CD163L1: variants seen among roughly 807,000 people sequenced by gnomAD.
CD163L1 encodes the protein scavenger receptor cysteine-rich type 1 protein M160.
In CD163L1, 124 loss-of-function variants were observed where a neutral mutation model predicts 165.4. That is an observed-to-expected ratio of 0.75 (90% CI 0.65 to 0.87). The LOEUF is 0.87. CD163L1 is among the 40% of genes least tolerant of loss of function. The probability of loss-of-function intolerance (pLI) is 0.00; values close to 1 mark genes in which losing one functional copy is unlikely to be tolerated. For synonymous variants in CD163L1, 585 were observed against 662.2 expected, an observed-to-expected ratio of 0.88 and a Z score of 1.79; for missense variants, 1,525 against 1,799.9, an observed-to-expected ratio of 0.85 and a Z score of 2.76.
At chr12:7,387,252 T>A (rs749567315) in intron 8 of CD163L1, among the ~76,000 whole-genome samples, 2 of 152,162 alleles carry the variant, frequency 1.3e-5, no homozygotes, top group South Asian at 4.2e-4. Flanking sequence ...AAATAAAATA[T>A]CTAGGAATAC....
At chr12:7,329,826 T>C in the CD163L1 span, among the ~76,000 whole-genome samples, 2 of 152,178 alleles carry the variant, frequency 1.3e-5, no homozygotes, top group South Asian at 2.1e-4. Flanking sequence ...AAGAAGAGCT[T>C]GTATAACAAC....
chr12:7,362,728 T>C (rs1050012659), intron 18 of CD163L1, among the ~76,000 whole-genome samples: 1 of 147,488 alleles, frequency 6.8e-6, no homozygotes, highest in African/African-American at 2.5e-5. Context: ...TAATAATATA[T>C]AACATAATGG....
intron 2 of CD163L1, chr12:7,439,111 A>C (rs1948779071): frequency 6.4e-7 from 1 of 1,572,298 alleles, no homozygotes; most frequent in Non-Finnish European, 8.6e-7. Flanking sequence ...TCTCTCTTGC[A>C]CTTTTAGTGT....
chr12:7,371,620 A>G (rs1276359955), intron 14 of CD163L1, among the ~76,000 whole-genome samples: 3 of 152,084 alleles, frequency 2.0e-5, no homozygotes, highest in Admixed American at 6.6e-5. Context: ...CAAATAGGAA[A>G]ATAGATTTTG....
intron 4 of CD163L1, among the ~76,000 whole-genome samples, chr12:7,426,076 C>T (rs187081443): frequency 6.6e-6 from 1 of 152,190 alleles, no homozygotes; most frequent in East Asian, 1.9e-4. Context: ...ATAAAGGAAA[C>T]GTGGCACATA....
intron 6 of CD163L1, among the ~76,000 whole-genome samples, chr12:7,399,613 C>A (rs1056665288): frequency 5.1e-5 from 7 of 137,238 alleles, no homozygotes; most frequent in African/African-American, 1.9e-4. Context: ...TCTTTCCTTT[C>A]TTTCTTTTCT....
At chr12:7,324,203 CACTT>C in the CD163L1 span, 1 of 1,559,512 alleles carries the variant, frequency 6.4e-7, no homozygotes. Flanking sequence ...ATGTACTAGT[CACTT>C]AATGAGTGCC....
chr12:7,375,489 T>C lies in CD163L1; in HGVS notation c.2793A>G (p.Pro931=). 1 of 1,614,168 alleles carries C rather than the reference T, an allele frequency of 6.2e-7. No individual in the cohort carries two copies. Among genetic ancestry groups the C allele is most frequent in the East Asian group, 2.2e-5 (1 of 44,884 alleles). ...WGSLCDTHWD[P]EDARVLCRQL... ...GTCTGCATAGAACACGGGCATCTTC[T>C]GGGTCCCAGTGGGTGTCACACAGTG... Residue 931 remains proline (P), a synonymous_variant, in exon 11 of 20, where the codon CCA becomes CCG. Transcript: ENST00000313599.
chr12:7,428,374 A>AGTTGTAGTTGTAGTTGTAGTT (rs1282684656), intron 4 of CD163L1, among the ~76,000 whole-genome samples: 2 of 152,116 alleles, frequency 1.3e-5, no homozygotes, highest in East Asian at 3.8e-4. Flanking sequence ...TCGTTTGCCC[A>AGTTGTAGTTGTAGTTGTAGTT]GTAGATTACT....
the CD163L1 span, chr12:7,323,272 A>G: frequency 1.2e-6 from 2 of 1,611,310 alleles, no homozygotes; most frequent in African/African-American, 1.3e-5. Flanking sequence ...AAGAAATTAA[A>G]CCAGGTTCAA....
intron 18 of CD163L1, 190 bp from the exon 19 acceptor site, chr12:7,357,676 TTAAG>T (rs1231676793): frequency 3.2e-5 from 13 of 400,542 alleles, no homozygotes; most frequent in Non-Finnish European, 5.0e-5. Context: ...GGATAAACCA[TTAAG>T]TGTTACCAAA....
At chr12:7,324,722 C>A in the CD163L1 span, 1 of 1,055,370 alleles carries the variant, frequency 9.5e-7, no homozygotes, top group Non-Finnish European at 1.4e-6. Context: ...ATGCATTTGG[C>A]CAAAATATAA....
chr12:7,417,809 T>A (rs897387201), intron 4 of CD163L1, among the ~76,000 whole-genome samples: 4 of 152,118 alleles, frequency 2.6e-5, no homozygotes, highest in Admixed American at 1.3e-4. Flanking sequence ...CTGGATTTAG[T>A]TTGCCGGTAT....
the CD163L1 span, among the ~76,000 whole-genome samples, chr12:7,336,656 A>G: frequency 2.6e-5 from 4 of 152,086 alleles, no homozygotes; most frequent in African/African-American, 9.7e-5. Flanking sequence ...CTTAAAGTAT[A>G]ATAATAATAA....
chr12:7,439,260 ATCTTC>A, intron 2 of CD163L1: 1 of 1,552,696 alleles, frequency 6.4e-7, no homozygotes, highest in South Asian at 1.2e-5. Context: ...TTTCTTTGGG[ATCTTC>A]TCTTGTTTTC....
intron 8 of CD163L1, among the ~76,000 whole-genome samples, chr12:7,387,534 C>T (rs1192735624): frequency 6.6e-6 from 1 of 152,030 alleles, no homozygotes; most frequent in Non-Finnish European, 1.5e-5. Flanking sequence ...GACTTGGGGC[C>T]ATCCTTTTGA....
chr12:7,388,647 G>A (rs1001317826), intron 8 of CD163L1, among the ~76,000 whole-genome samples: 8 of 151,914 alleles, frequency 5.3e-5, no homozygotes, highest in African/African-American at 1.9e-4. Flanking sequence ...GGGGGACTGA[G>A]GTGGGAGGAT....
chr12:7,361,546 T>C (rs75652146), intron 18 of CD163L1, among the ~76,000 whole-genome samples: 9,463 of 152,212 alleles, frequency 0.062, 361 homozygotes, highest in African/African-American at 0.1. Flanking sequence ...AGGGCAGATA[T>C]GCTTTTGAAA....
At chr12:7,330,362 C>A in the CD163L1 span, among the ~76,000 whole-genome samples, 1 of 152,194 alleles carries the variant, frequency 6.6e-6, no homozygotes, top group Non-Finnish European at 1.5e-5. Context: ...GCTAACTTTA[C>A]AGCCCCTCAA....
Sources: allele counts gnomAD v4.1 joint callset (sites outside exome capture counted in the v4.1 genomes callset), GRCh38; gene constraint gnomAD v4.1.1; transcripts MANE v1.5; gene names NCBI Gene and HGNC (gene_info 2026-07-23, HGNC 2026-07-21).